The following RPS6KC1 variants were observed in gnomAD, a reference collection of about 807,000 sequenced individuals.
RPS6KC1 encodes ribosomal protein S6 kinase C1.
RPS6KC1 carries 54 observed loss-of-function variants against 103.8 expected under a neutral mutation model. The ratio of observed to expected loss-of-function variants is 0.52; its 90% CI spans 0.42 to 0.65. RPS6KC1 has a LOEUF of 0.65. Ranked by LOEUF, RPS6KC1 falls within the 30% of genes least tolerant of loss-of-function variation. The probability of loss-of-function intolerance (pLI) is 0.00; values close to 1 mark genes in which losing one functional copy is unlikely to be tolerated. For missense variants in RPS6KC1, 1,151 were observed against 1,253.8 expected, an observed-to-expected ratio of 0.92 and a Z score of 1.24; for synonymous variants, 439 against 438.7, an observed-to-expected ratio of 1.00 and a Z score of -0.01.
the RPS6KC1 span, among the ~76,000 whole-genome samples, chr1:213,385,346 CTG>C: frequency 1.3e-5 from 2 of 152,142 alleles, no homozygotes; most frequent in Admixed American, 1.3e-4. Flanking sequence ...GGTGAGGAAA[CTG>C]AGACACAGAG....
the RPS6KC1 span, among the ~76,000 whole-genome samples, chr1:213,697,473 T>G: frequency 6.6e-6 from 1 of 152,250 alleles, no homozygotes; most frequent in African/African-American, 2.4e-5. Flanking sequence ...AGAGAGGAAC[T>G]GTATCTTCTG....
rs993111666 is a variant in RPS6KC1, at chr1:213,173,531, A to G, written c.952-2869A>G. Among the ~76,000 whole-genome samples, 5 of 152,324 alleles carry G rather than the reference A, an allele frequency of 3.3e-5. No homozygotes were observed. In the East Asian group the frequency reaches 9.6e-4, roughly 29 times the overall value. On this transcript the variant is annotated intron_variant, in intron 7 of 14. Coordinates refer to ENST00000366960, the MANE Select transcript of RPS6KC1 (RefSeq NM_012424.6). The stretch of plus-strand genomic sequence containing the variant: ...TAATTTTATTTTCCTCTGTTCTCCA[A>G]TTTGAACAACTTTTCCCCAACAGGC...
In RPS6KC1 at chr1:213,081,921, C is replaced by T. The variant is rs558512473; in HGVS notation, c.262+4105C>T. ...TCATGAGGGGCCTGAGCTAGAGCCA[C>T]CCAGCCAAGCCACTTTTGAATTCCT... On this transcript the variant is annotated intron_variant, in intron 3 of 14. Transcript: ENST00000366960. Among the ~76,000 whole-genome samples, 5 of 152,272 alleles carry T rather than the reference C, an allele frequency of 3.3e-5. No homozygotes were observed. In the East Asian group the frequency reaches 9.7e-4, roughly 29 times the overall value.
chr1:213,074,643 A>C (rs2079146957), intron 2 of RPS6KC1, among the ~76,000 whole-genome samples: 1 of 152,046 alleles, frequency 6.6e-6, no homozygotes, highest in South Asian at 2.1e-4. Context: ...CCTAGAGTTG[A>C]GAAGAAGGAA....
the RPS6KC1 span, among the ~76,000 whole-genome samples, chr1:213,698,477 T>C: frequency 1.3e-5 from 2 of 152,224 alleles, no homozygotes; most frequent in African/African-American, 2.4e-5. Context: ...GATTGAATGT[T>C]ACTGTAGAGA....
the RPS6KC1 span, among the ~76,000 whole-genome samples, chr1:213,360,143 G>A: frequency 0.095 from 14,387 of 152,242 alleles, 907 homozygotes; most frequent in Non-Finnish European, 0.14. Context: ...ATAATATCCC[G>A]CAGAGTGTTT....
chr1:213,856,233 G>A, the RPS6KC1 span, among the ~76,000 whole-genome samples: 1 of 152,088 alleles, frequency 6.6e-6, no homozygotes, highest in Non-Finnish European at 1.5e-5. Flanking sequence ...AATGTGTCGG[G>A]TCCCTGTTAG....
At chr1:213,366,359 C>A in the RPS6KC1 span, among the ~76,000 whole-genome samples, 5 of 152,308 alleles carry the variant, frequency 3.3e-5, no homozygotes, top group East Asian at 9.6e-4. Flanking sequence ...ATAACAGCTG[C>A]GGCTACTAAG....
chr1:213,483,624 A>G, the RPS6KC1 span, among the ~76,000 whole-genome samples: 3 of 152,182 alleles, frequency 2.0e-5, no homozygotes. Context: ...TTTCTTCTTG[A>G]GTGAGCTTTG....
intron 1 of RPS6KC1, among the ~76,000 whole-genome samples, chr1:213,064,564 C>T (rs1330184172): frequency 6.6e-6 from 1 of 151,730 alleles, no homozygotes; most frequent in Non-Finnish European, 1.5e-5. Flanking sequence ...GATGGGGTTT[C>T]ACCATGTTGG....
the RPS6KC1 span, among the ~76,000 whole-genome samples, chr1:213,543,020 C>G: frequency 6.6e-6 from 1 of 152,130 alleles, no homozygotes; most frequent in East Asian, 1.9e-4. Context: ...AGCTGGGTGA[C>G]TAAGATTTGT....
chr1:213,686,940 G>A, the RPS6KC1 span, among the ~76,000 whole-genome samples: 3 of 126,408 alleles, frequency 2.4e-5, no homozygotes, highest in Non-Finnish European at 5.3e-5. Context: ...TAGACCATAT[G>A]GGGTAACTTC....
At chr1:213,293,206 T>A in the RPS6KC1 span, among the ~76,000 whole-genome samples, 42 of 152,372 alleles carry the variant, frequency 2.8e-4, no homozygotes, top group Non-Finnish European at 5.6e-4. Flanking sequence ...TAATGCTTAT[T>A]TAAAAACCAC....
At chr1:213,134,910 C>T (rs1184545269) in intron 6 of RPS6KC1, among the ~76,000 whole-genome samples, 2 of 151,988 alleles carry the variant, frequency 1.3e-5, no homozygotes, top group Non-Finnish European at 2.9e-5. Flanking sequence ...ATTTGGATGG[C>T]TTTTATTTCT....
At chr1:213,861,142 A>G in the RPS6KC1 span, among the ~76,000 whole-genome samples, 1 of 152,082 alleles carries the variant, frequency 6.6e-6, no homozygotes, top group Non-Finnish European at 1.5e-5. Context: ...AGGCTGAGGG[A>G]AGCTATTTAG....
the RPS6KC1 span, among the ~76,000 whole-genome samples, chr1:213,721,833 T>G: frequency 6.6e-6 from 1 of 152,200 alleles, no homozygotes; most frequent in African/African-American, 2.4e-5. Context: ...TCTCTCTTTT[T>G]ATGTCTCTCT....
chr1:213,484,212 A>G, the RPS6KC1 span, among the ~76,000 whole-genome samples: 1 of 152,238 alleles, frequency 6.6e-6, no homozygotes, highest in Non-Finnish European at 1.5e-5. Context: ...CTGCATAACC[A>G]GTTACCCAAA....
rs2095080229 is a variant in RPS6KC1 at position 213,273,087 on chromosome 1, G to A, written c.*453G>A. The A allele has an allele frequency of 1.9e-5, 3 of 155,028 alleles. No homozygotes were observed. Among genetic ancestry groups the A allele is most frequent in the African/African-American group, 7.2e-5 (3 of 41,458 alleles). The allele number at this position is 155,028 out of a possible 1,614,324, so 9.6% of individuals were successfully genotyped here. A position where few individuals can be genotyped will look rare whatever the true frequency, so the allele number is the denominator to read the frequency against. On this transcript the variant is annotated 3_prime_UTR_variant, in exon 15 of 15. Coordinates refer to ENST00000366960, the MANE Select transcript of RPS6KC1 (RefSeq NM_012424.6). ...AATACACTAAAAGTATATGAACAAT[G>A]TCATCAATGAAACTTAAAAGCGAGA...
At chr1:213,212,743 T>C (rs2093547867) in intron 8 of RPS6KC1, among the ~76,000 whole-genome samples, 1 of 152,216 alleles carries the variant, frequency 6.6e-6, no homozygotes, top group Non-Finnish European at 1.5e-5. Context: ...TTTGCCAGCA[T>C]TTGGAGGTGT....
Sources: allele counts gnomAD v4.1 joint callset (sites outside exome capture counted in the v4.1 genomes callset), GRCh38; gene constraint gnomAD v4.1.1; transcripts MANE v1.5; gene names NCBI Gene and HGNC (gene_info 2026-07-23, HGNC 2026-07-21).